DNMBP: variants seen among roughly 807,000 people sequenced by gnomAD.
The protein encoded by DNMBP is dynamin-binding protein.
Under a neutral mutation model 150.0 loss-of-function variants are expected in DNMBP, and 87 were observed. The ratio of observed to expected loss-of-function variants is 0.58; its 90% CI spans 0.49 to 0.69. The LOEUF is 0.69. DNMBP is among the 30% of genes least tolerant of loss of function. The pLI, the probability that DNMBP is intolerant of heterozygous loss-of-function variation, is 0.00. For synonymous variants in DNMBP, 711 were observed against 750.4 expected (o/e 0.95, Z 0.86); for missense variants, 1,774 against 1,949.0 (o/e 0.91, Z 1.69).
intron 4 of DNMBP, among the ~76,000 whole-genome samples, chr10:99,921,849 AGT>A (rs2040026411): frequency 8.5e-6 from 1 of 117,720 alleles, no homozygotes; most frequent in South Asian, 3.3e-4. Flanking sequence ...TGGGCAACAG[AGT>A]GAGATTCCAT....
chr10:99,929,710 A>AT (rs1288357505), intron 4 of DNMBP: 3 of 702,602 alleles, frequency 4.3e-6, no homozygotes, highest in East Asian at 5.4e-5. Flanking sequence ...GGGCCATTTA[A>AT]TTTTTTCTCT....
At chr10:99,906,106 C>G (rs2039821821) in intron 6 of DNMBP, among the ~76,000 whole-genome samples, 1 of 152,106 alleles carries the variant, frequency 6.6e-6, no homozygotes, top group Non-Finnish European at 1.5e-5. Flanking sequence ...CTACAACATC[C>G]CAGAGCTGTT....
intron 4 of DNMBP, among the ~76,000 whole-genome samples, chr10:99,932,836 G>A (rs548916636): frequency 1.7e-4 from 25 of 148,658 alleles, no homozygotes; most frequent in African/African-American, 6.2e-4. Flanking sequence ...TCCTCATATT[G>A]GCATTTCAGA....
At chr10:100,008,862 C>T (rs922274711) in intron 1 of DNMBP, among the ~76,000 whole-genome samples, 1 of 152,196 alleles carries the variant, frequency 6.6e-6, no homozygotes, top group African/African-American at 2.4e-5. Flanking sequence ...AAAACTACTA[C>T]AGATTAATCA....
chr10:99,933,904 A>C (rs562816116), intron 4 of DNMBP, among the ~76,000 whole-genome samples: 178 of 152,124 alleles, frequency 1.2e-3, no homozygotes, highest in African/African-American at 3.7e-3. Context: ...GCCCGGCTAA[A>C]GTTTTGTAAT....
chr10:99,908,209 C>A (rs2039850662), intron 5 of DNMBP, 115 bp from the exon 6 acceptor site: 1 of 709,012 alleles, frequency 1.4e-6, no homozygotes, highest in South Asian at 1.7e-5. Context: ...TCACTTTCTT[C>A]ACTCACTTTC....
rs917548759 is a variant in DNMBP, at chr10:99,879,743, C to G, written c.4548+68G>C. On this transcript the variant is annotated intron_variant, in intron 16 of 16. Transcript: ENST00000324109. ...CCTCAGGCAAGCCACTTCTGCCTCA[C>G]CCCCGCTGGTACCCACAACACATCT... 3 of 1,582,664 alleles carry G rather than the reference C, an allele frequency of 1.9e-6. No individual in the cohort carries two copies. The East Asian group carries it at 6.7e-5, about 35-fold the overall frequency.
At chr10:99,943,568 A>C (rs1333799887) in intron 4 of DNMBP, among the ~76,000 whole-genome samples, 1 of 151,980 alleles carries the variant, frequency 6.6e-6, no homozygotes, top group Admixed American at 6.6e-5. Flanking sequence ...ATATCCAGCT[A>C]TTTTTGTATT....
Position 99,972,192 on chromosome 10 carries a change from G to C in DNMBP, c.-10-58C>G, listed in dbSNP as rs1025714858. ...TCAATATTTAAGACACTGCAATATA[G>C]ATCTATTTCTTGGAATGATAAAGCT... On this transcript the variant is annotated intron_variant, in intron 1 of 16. Transcript: ENST00000324109. 2.8e-6 allele frequency: 4 copies of C among 1,427,816 alleles called. No individual in the cohort carries two copies. The African/African-American group carries it at 4.3e-5, about 15-fold the overall frequency. 88.4% of individuals were successfully genotyped at this position (1,427,816 alleles called of 1,614,324 possible).
At chr10:99,936,203 A>G (rs927548216) in intron 4 of DNMBP, among the ~76,000 whole-genome samples, 3 of 152,206 alleles carry the variant, frequency 2.0e-5, no homozygotes, top group African/African-American at 7.2e-5. Flanking sequence ...TTAAATCATA[A>G]ATCATATAGA....
At chr10:99,974,568 G>T (rs2040708850) in intron 1 of DNMBP, among the ~76,000 whole-genome samples, 1 of 151,312 alleles carries the variant, frequency 6.6e-6, no homozygotes, top group South Asian at 2.1e-4. Context: ...TGCAAAAATA[G>T]CTCACTGCAG....
intron 11 of DNMBP, among the ~76,000 whole-genome samples, chr10:99,890,703 A>G (rs940056157): frequency 1.3e-5 from 2 of 152,122 alleles, no homozygotes; most frequent in Admixed American, 1.3e-4. Context: ...TTGGAGTGCA[A>G]TGGCATGATC....
chr10:99,947,411 C>T (rs1034150499), intron 4 of DNMBP, among the ~76,000 whole-genome samples: 3 of 152,142 alleles, frequency 2.0e-5, no homozygotes, highest in African/African-American at 7.2e-5. Context: ...TCCTTTGCAG[C>T]AACATGGATG....
chr10:99,969,856 A>G (rs2040657142), intron 2 of DNMBP, among the ~76,000 whole-genome samples: 1 of 152,088 alleles, frequency 6.6e-6, no homozygotes, highest in Admixed American at 6.5e-5. Flanking sequence ...TACTGCAGCG[A>G]CCTTCCAAAT....
At chr10:99,941,044 T>G (rs573285072) in intron 4 of DNMBP, among the ~76,000 whole-genome samples, 6 of 151,672 alleles carry the variant, frequency 4.0e-5, no homozygotes, top group Non-Finnish European at 7.4e-5. Flanking sequence ...GCCACCACAC[T>G]TGGCTAATTT....
chr10:99,877,326 G>A lies in DNMBP; in HGVS notation c.4559C>T (p.Ala1520Val). Residue 1520 changes from alanine to valine, a missense_variant, in exon 17 of 17, where the codon GCT becomes GTT. Transcript: ENST00000324109. ...GTTTCGTGCCTTGAAGGTGTAGACAGCAAAATAGACCTGTGTGAGGGAGAG... is the reference window on the plus strand; with the variant it reads ...GTTTCGTGCCTTGAAGGTGTAGACAACAAAATAGACCTGTGTGAGGGAGAG... ...SEAEGNQVYFAVYTFKARNPN... is the reference protein window; with the variant it reads ...SEAEGNQVYFVVYTFKARNPN... 6.2e-7 allele frequency: 1 copy of A among 1,611,666 alleles called. No homozygotes were observed. The highest frequency in any genetic ancestry group is 8.5e-7 in the Non-Finnish European group (1 of 1,178,952).
In DNMBP at chr10:99,918,379, G is replaced by A. The variant is rs11190320; in HGVS notation, c.2261-9233C>T. ...AAATCTCAACAGCAAGAGGAAAAAC[G>A]TTCCTGGTGGCTTTTGCTCTGTAAT... On this transcript the variant is annotated intron_variant, in intron 4 of 16. Transcript: ENST00000324109. Among the ~76,000 whole-genome samples, 660 of 150,304 alleles carry A rather than the reference G, an allele frequency of 4.4e-3. 7 individuals carry two copies. The highest frequency in any genetic ancestry group is 0.015 in the African/African-American group (620 of 41,410).
chr10:99,886,876 A>G (rs1229245161), intron 12 of DNMBP, among the ~76,000 whole-genome samples: 1 of 152,138 alleles, frequency 6.6e-6, no homozygotes, highest in Non-Finnish European at 1.5e-5. Context: ...TGTAAAATAC[A>G]CTAATCTCAC....
At chr10:99,935,207 A>G (rs1344758249) in intron 4 of DNMBP, among the ~76,000 whole-genome samples, 3 of 152,052 alleles carry the variant, frequency 2.0e-5, no homozygotes, top group African/African-American at 2.4e-5. Context: ...GAATGTAATG[A>G]ATTTATTTGG....
Sources: gnomAD v4.1 joint callset for allele counts (sites outside exome capture counted in the v4.1 genomes callset) on GRCh38, gnomAD v4.1.1 for gene constraint, MANE v1.5 for transcripts, NCBI Gene and HGNC (gene_info 2026-07-23, HGNC 2026-07-21) for gene names.